The following CLU variants were observed in gnomAD, a reference collection of about 807,000 sequenced individuals.
CLU encodes the protein aging-associated protein 4.
CLU carries 25 observed loss-of-function variants against 46.4 expected under a neutral mutation model. The observed-to-expected ratio is 0.54, with a 90% CI of 0.39 to 0.75. The LOEUF is 0.75. CLU is among the 30% of genes least tolerant of loss of function. CLU has a pLI of 0.00. For missense variants in CLU, 504 were observed against 592.1 expected (o/e 0.85, Z 1.54); for synonymous variants, 235 against 235.1 (o/e 1.00, Z 0.00).
chr8:27,609,493 TG>T lies in CLU; in HGVS notation c.98-408del, dbSNP rs200697494. Among the ~76,000 whole-genome samples, 1,290 of 152,150 alleles carry T rather than the reference TG, an allele frequency of 8.5e-3. 20 individuals carry two copies. The highest frequency in any genetic ancestry group is 0.03 in the African/African-American group (1,234 of 41,490). On this transcript the variant is annotated intron_variant, in intron 2 of 8. Transcript: ENST00000316403. Reference sequence around the variant, plus strand: ...TTCTAGAGTTCAGTTTAAACAGATATGTGTATTTCTTTGTTCCAATGCAGTG... The same window carrying T: ...TTCTAGAGTTCAGTTTAAACAGATATTGTATTTCTTTGTTCCAATGCAGTG...
At chr8:27,600,045 T>G (rs371184826) in intron 6 of CLU, 36 bp from the exon 7 acceptor site, 5 of 1,515,516 alleles carry the variant, frequency 3.3e-6, no homozygotes, top group African/African-American at 2.8e-5. Flanking sequence ...GTGAGAAGTG[T>G]GAAGGGAAGG....
chr8:27,600,073 CATGA>C (rs1233806734), intron 6 of CLU, 64 bp from the exon 7 acceptor site: 7 of 1,282,502 alleles, frequency 5.5e-6, no homozygotes, highest in African/African-American at 4.4e-5. Flanking sequence ...GGGATAGAAC[CATGA>C]ATGAATGGAA....
chr8:27,611,062 C>T, intron 1 of CLU: 3 of 397,618 alleles, frequency 7.5e-6, no homozygotes, highest in South Asian at 5.6e-5. Flanking sequence ...GCCACGTCCT[C>T]TGCAATGTGC....
intron 3 of CLU, 44 bp downstream of exon 3, chr8:27,608,894 A>G (rs1345132315): frequency 6.2e-7 from 1 of 1,610,294 alleles, no homozygotes; most frequent in East Asian, 2.2e-5. Flanking sequence ...CCTCCCCTCC[A>G]GTGGGATGGT....
chr8:27,609,159 T>C, intron 2 of CLU, 73 bp from the exon 3 acceptor site: 1 of 1,558,558 alleles, frequency 6.4e-7, no homozygotes, highest in Non-Finnish European at 8.8e-7. Flanking sequence ...ATGAGCTGGA[T>C]GGCCAGAAAG....
chr8:27,608,938 CTCTT>C lies in CLU; in HGVS notation c.242_245del (p.Lys81ArgfsTer4). The C allele has an allele frequency of 6.2e-7, 1 of 1,614,204 alleles. No homozygotes were observed. The highest frequency in any genetic ancestry group is 8.5e-7 in the Non-Finnish European group (1 of 1,180,034). ...GGAGGCGGTAGCGGCTCCTCCTGAC[CTCTT>C]TCTTCTTCTTGGCTTCTTCTAGGTT... On this transcript the variant is annotated frameshift_variant and splice_region_variant, in exon 3 of 9. Coordinates refer to ENST00000316403, the MANE Select transcript of CLU (RefSeq NM_001831.4). LOFTEE classifies it high-confidence loss of function.
chr8:27,605,337 T>C lies in CLU; in HGVS notation c.418-2A>G, dbSNP rs887393359. 6.2e-7 allele frequency: 1 copy of C among 1,614,008 alleles called. No individual in the cohort carries two copies. Among genetic ancestry groups the C allele is most frequent in the Non-Finnish European group, 8.5e-7 (1 of 1,180,024 alleles). Reference sequence around the variant, plus strand: ...GCTCTGGTTCAGGAACTCCTCAAGCTGGGACAGCCAGCATGGGCACAGTTA... The same window carrying C: ...GCTCTGGTTCAGGAACTCCTCAAGCCGGGACAGCCAGCATGGGCACAGTTA... On this transcript the variant is annotated splice_acceptor_variant, in intron 4 of 8. Transcript: ENST00000316403. LOFTEE classifies it high-confidence loss of function.
chr8:27,610,169 C>T (rs9331896), intron 2 of CLU, among the ~76,000 whole-genome samples: 86,135 of 151,972 alleles, frequency 0.57, 24,941 homozygotes, highest in East Asian at 0.78. Flanking sequence ...GACACAGCTT[C>T]GTGGAGGAGG....
intron 1 of CLU, chr8:27,611,151 C>T (rs1246103007): frequency 4.4e-6 from 2 of 452,392 alleles, no homozygotes; most frequent in Non-Finnish European, 8.9e-6. Context: ...ACCACCTGAA[C>T]TTGACTTTCA....
rs752353633 is a variant in CLU, at chr8:27,610,606, G to C, written c.-29-6C>G. On this transcript the variant is annotated splice_polypyrimidine_tract_variant and splice_region_variant and intron_variant, in intron 1 of 8. Coordinates refer to ENST00000316403, the MANE Select transcript of CLU (RefSeq NM_001831.4). ...TCTGGAGTCTTTGCACGCCTCTGCA[G>C]AGAACAGGAGACCATCATGGGAACA... The C allele has an allele frequency of 1.3e-6, 2 of 1,594,308 alleles. No individual in the cohort carries two copies. Among genetic ancestry groups the C allele is most frequent in the South Asian group, 2.2e-5 (2 of 90,710 alleles).
Position 27,598,165 on chromosome 8 carries a change from C to G in CLU, c.*76G>C. ...GTTACTTGGTGACGTGCAGAGCTCT[C>G]TCTGGGGGGCTGCAGCTCATCTTGG... On this transcript the variant is annotated 3_prime_UTR_variant, in exon 9 of 9. Transcript: ENST00000316403. 1 of 1,523,976 alleles carries G rather than the reference C, an allele frequency of 6.6e-7. No individual in the cohort carries two copies. Among genetic ancestry groups the G allele is most frequent in the Non-Finnish European group, 9.1e-7 (1 of 1,101,348 alleles). The allele number at this position is 1,523,976 out of a possible 1,614,324, so 94.4% of individuals were successfully genotyped here.
At chr8:27,613,699 T>C (rs1800967965) in intron 1 of CLU, 1 of 152,216 alleles carries the variant, frequency 6.6e-6, no homozygotes, top group South Asian at 2.1e-4. Context: ...AGGGCATACT[T>C]TTATGGCTAT....
At chr8:27,604,613 C>T (rs571914549) in intron 5 of CLU, among the ~76,000 whole-genome samples, 2 of 152,300 alleles carry the variant, frequency 1.3e-5, no homozygotes, top group South Asian at 2.1e-4. Flanking sequence ...GCTGAGACTA[C>T]AGGTGTGCAC....
rs557610101 is a variant in CLU, at chr8:27,604,907, C to T, written c.829+17G>A. The T allele has an allele frequency of 3.0e-5, 49 of 1,614,100 alleles. 1 individual carries two copies. In the South Asian group the frequency reaches 5.4e-4, roughly 18 times the overall value. The stretch of plus-strand genomic sequence containing the variant: ...AACGAGTTGCTCAAAAGGCCATGAG[C>T]TTCCACCCCTTCTCACCTCGTATGA... On this transcript the variant is annotated intron_variant, in intron 5 of 8. Coordinates refer to ENST00000316403, the MANE Select transcript of CLU (RefSeq NM_001831.4).
chr8:27,610,592 T>A lies in CLU; in HGVS notation c.-21A>T. The A allele has an allele frequency of 6.2e-7, 1 of 1,608,370 alleles. No individual in the cohort carries two copies. Among genetic ancestry groups the A allele is most frequent in the Non-Finnish European group, 8.5e-7 (1 of 1,174,742 alleles). ...ATCATGCCTCCAATTCTGGAGTCTT[T>A]GCACGCCTCTGCAGAGAACAGGAGA... On this transcript the variant is annotated 5_prime_UTR_variant, in exon 2 of 9. Transcript: ENST00000316403.
Position 27,598,576 on chromosome 8 carries a change from C to T in CLU, c.1224G>A (p.Lys408=). Residue 408 remains lysine (K), a synonymous_variant, in exon 8 of 9, where the codon AAG becomes AAA. Transcript: ENST00000316403. ...VPSGVTEVVV[K]LFDSDPITVT... Reference sequence around the variant, plus strand: ...CAGTGATGGGATCAGAGTCAAAGAGCTTCACGACCACCTCAGTGACACCGG... The same window carrying T: ...CAGTGATGGGATCAGAGTCAAAGAGTTTCACGACCACCTCAGTGACACCGG... The T allele has an allele frequency of 6.2e-7, 1 of 1,614,184 alleles. No homozygotes were observed. The highest frequency in any genetic ancestry group is 8.5e-7 in the Non-Finnish European group (1 of 1,180,032).
Position 27,604,935 on chromosome 8 carries a change from T to C in CLU, c.818A>G (p.Glu273Gly). The change falls in exon 5 of 9, where the codon GAA (glutamate) becomes GGA (glycine). Residue 273 changes from glutamate to glycine, a missense_variant. This residue lies in a region of CLU where 428 missense variants were observed against 484.0 expected (regional missense o/e 0.88). Transcript: ENST00000316403. Reference sequence around the variant, plus strand: ...CCACCCCTTCTCACCTCGTATGAATTCTGTTGGCGGGTGCTGGAAGGCCGG... The same window carrying C: ...CCACCCCTTCTCACCTCGTATGAATCCTGTTGGCGGGTGCTGGAAGGCCGG... Reference protein sequence around the residue: ...HSPAFQHPPTEFIREGDDDRT... With the variant: ...HSPAFQHPPTGFIREGDDDRT... 6.2e-7 allele frequency: 1 copy of C among 1,614,126 alleles called. No individual in the cohort carries two copies.
rs749846329 is a variant in CLU, at chr8:27,597,834, C to T, written c.*407G>A. ...ACCTTGTCATCATATCCCTTTTATT[C>T]TTCACCCTTTTATTCTTCACTGGTA... is the stretch of plus-strand genomic sequence containing the variant. On this transcript the variant is annotated 3_prime_UTR_variant, in exon 9 of 9. Coordinates refer to ENST00000316403, the MANE Select transcript of CLU (RefSeq NM_001831.4). 1 of 471,190 alleles carries T rather than the reference C, an allele frequency of 2.1e-6. No homozygotes were observed. Among genetic ancestry groups the T allele is most frequent in the Non-Finnish European group, 4.2e-6 (1 of 238,834 alleles). 29.2% of individuals were successfully genotyped at this position (471,190 alleles called of 1,614,324 possible).
chr8:27,608,110 GA>G (rs1219044706), intron 3 of CLU, among the ~76,000 whole-genome samples: 1 of 151,856 alleles, frequency 6.6e-6, no homozygotes, highest in Admixed American at 6.6e-5. Flanking sequence ...CATGAAACTT[GA>G]AAAAAAGGTA....
Sources: gnomAD v4.1 joint callset for allele counts (sites outside exome capture counted in the v4.1 genomes callset) on GRCh38, gnomAD v4.1.1 for gene constraint, gnomAD v4.1.1 regional missense constraint, MANE v1.5 for transcripts, NCBI Gene and HGNC (gene_info 2026-07-23, HGNC 2026-07-21) for gene names.